ALPK3: variants seen among roughly 807,000 people sequenced by gnomAD.
The protein encoded by ALPK3 is alpha-protein kinase 3.
In ALPK3, 102 loss-of-function variants were observed where a neutral mutation model predicts 140.0. The ratio of observed to expected loss-of-function variants is 0.73; its 90% CI spans 0.62 to 0.86. The LOEUF is 0.86. Ranked by LOEUF, ALPK3 falls within the 40% of genes least tolerant of loss-of-function variation. The pLI is 0.00. For synonymous variants in ALPK3, 938 were observed against 898.5 expected (o/e 1.04, Z -0.79); for missense variants, 2,254 against 2,208.2 (o/e 1.02, Z -0.42).
At chr15:84,855,940 A>T (rs987186684) in intron 5 of ALPK3, among the ~76,000 whole-genome samples, 1 of 152,186 alleles carries the variant, frequency 6.6e-6, no homozygotes, top group South Asian at 2.1e-4. Context: ...TGAGGCCATT[A>T]TTGGGACACC....
intron 5 of ALPK3, among the ~76,000 whole-genome samples, chr15:84,851,382 G>A (rs1396240542): frequency 6.6e-6 from 1 of 152,112 alleles, no homozygotes; most frequent in African/African-American, 2.4e-5. Flanking sequence ...TCTTGCTGAG[G>A]GACGGGCCTC....
intron 1 of ALPK3, among the ~76,000 whole-genome samples, chr15:84,819,473 G>A (rs567132332): frequency 6.6e-6 from 1 of 152,238 alleles, no homozygotes; most frequent in Non-Finnish European, 1.5e-5. Flanking sequence ...TGGCCAAAGT[G>A]GGGAGAATGT....
intron 5 of ALPK3, among the ~76,000 whole-genome samples, chr15:84,855,306 G>C (rs150182176): frequency 2.6e-5 from 4 of 152,284 alleles, no homozygotes; most frequent in Admixed American, 6.5e-5. Context: ...CTCTCCTCCC[G>C]CTGAGCTGTG....
At chr15:84,839,501 C>T (rs1025242506) in intron 4 of ALPK3, among the ~76,000 whole-genome samples, 3 of 152,196 alleles carry the variant, frequency 2.0e-5, no homozygotes, top group Non-Finnish European at 2.9e-5. Flanking sequence ...TGGTCAGCCG[C>T]CACCTTTTTG....
In ALPK3 at chr15:84,863,654, G is replaced by A. The variant is rs762202079; in HGVS notation, c.4499+14G>A. 2.3e-5 allele frequency: 37 copies of A among 1,612,362 alleles called. No individual in the cohort carries two copies. The highest frequency in any genetic ancestry group is 6.7e-5 in the Admixed American group (4 of 59,908). ...GGAGGTGCCTGAGTAAGTACGCAGC[G>A]AGGAGGACGTGCAGTGTGCAGCACT... On this transcript the variant is annotated intron_variant, in intron 11 of 13. Coordinates refer to ENST00000258888, the MANE Select transcript of ALPK3 (RefSeq NM_020778.5).
chr15:84,840,714 A>C lies in ALPK3; in HGVS notation c.1435A>C (p.Asn479His), dbSNP rs1355075265. The C allele has an allele frequency of 6.2e-7, 1 of 1,613,270 alleles. No homozygotes were observed. The highest frequency in any genetic ancestry group is 8.5e-7 in the Non-Finnish European group (1 of 1,179,620). The change falls in exon 5 of 14, where the codon AAC (asparagine) becomes CAC (histidine). Residue 479 changes from asparagine to histidine, a missense_variant. Physicochemically the swap from Asn to His is moderately conservative, Grantham distance 68. Transcript: ENST00000258888. ...SLTPQPTRPFNRKRFAPPKPK... is the reference protein window; with the variant it reads ...SLTPQPTRPFHRKRFAPPKPK... ...GACCCCCCAGCCGACTAGGCCTTTC[A>C]ACAGAAAGAGATTTGCCCCTCCAAA...
At chr15:84,867,465 G>A (rs1964014553) in intron 13 of ALPK3, 100 bp downstream of exon 13, 1 of 1,399,112 alleles carries the variant, frequency 7.1e-7, no homozygotes, top group Admixed American at 1.7e-5. Flanking sequence ...GCTGGGCCTG[G>A]GGCCAAGTGG....
chr15:84,858,148 C>T lies in ALPK3; in HGVS notation c.3410C>T (p.Pro1137Leu), dbSNP rs755094584. The T allele has an allele frequency of 2.5e-6, 4 of 1,605,332 alleles. No homozygotes were observed. In the African/African-American group the frequency reaches 4.0e-5, roughly 16 times the overall value. Reference protein sequence around the residue: ...GPSAESIAQEPSQEEKFPGEA... With the variant: ...GPSAESIAQELSQEEKFPGEA... ...TCAGCAGAGAGCATAGCCCAGGAGC[C>T]CTCCCAAGAGGAGAAGTTCCCAGGG... The change falls in exon 6 of 14, where the codon CCC (proline) becomes CTC (leucine). Residue 1137 changes from proline to leucine, a missense_variant. Physicochemically the swap from Pro to Leu is moderately conservative, Grantham distance 98. Coordinates refer to ENST00000258888, the MANE Select transcript of ALPK3 (RefSeq NM_020778.5).
chr15:84,823,345 G>A lies in ALPK3; in HGVS notation c.159G>A (p.Arg53=), dbSNP rs1448167200. The change falls in exon 2 of 14, where the codon CGG becomes CGA. Residue 53 remains arginine (R), a synonymous_variant. Coordinates refer to ENST00000258888, the MANE Select transcript of ALPK3 (RefSeq NM_020778.5). ...VRPETSLSSN[R]LSHPSSGRST... ...TTTTGCTTAGCTTATCAAGCAACCGGTTGTCTCACCCCAGCTCTGGAAGGT... is the reference window on the plus strand; with the variant it reads ...TTTTGCTTAGCTTATCAAGCAACCGATTGTCTCACCCCAGCTCTGGAAGGT... 6.2e-7 allele frequency: 1 copy of A among 1,614,032 alleles called. No individual in the cohort carries two copies. Among genetic ancestry groups the A allele is most frequent in the South Asian group, 1.1e-5 (1 of 91,064 alleles).
chr15:84,843,045 A>C (rs574037591), intron 5 of ALPK3, among the ~76,000 whole-genome samples: 43 of 152,342 alleles, frequency 2.8e-4, no homozygotes, highest in African/African-American at 9.6e-4. Flanking sequence ...AGATGGTGGC[A>C]TCCTCCTGGT....
chr15:84,868,615 C>A lies in ALPK3; in HGVS notation c.*159C>A. 1.4e-6 allele frequency: 1 copy of A among 724,676 alleles called. No homozygotes were observed. The highest frequency in any genetic ancestry group is 2.2e-6 in the Non-Finnish European group (1 of 451,672). 44.9% of individuals were successfully genotyped at this position (724,676 alleles called of 1,614,324 possible). A position where few individuals can be genotyped will look rare whatever the true frequency, so the allele number is the denominator to read the frequency against. On this transcript the variant is annotated 3_prime_UTR_variant, in exon 14 of 14. Coordinates refer to ENST00000258888, the MANE Select transcript of ALPK3 (RefSeq NM_020778.5). ...AGCAGGCTCTCGTGAATCAGCTCGT[C>A]ATCAGATGGCTTTGGTGCATGGCAC... is the stretch of plus-strand genomic sequence containing the variant.
chr15:84,859,104 G>C (rs552343559), intron 6 of ALPK3, 139 bp from the exon 7 acceptor site: 5 of 1,174,222 alleles, frequency 4.3e-6, no homozygotes, highest in African/African-American at 1.5e-5. Context: ...AGGAGGCACC[G>C]GGGGGCTGTG....
Position 84,858,285 on chromosome 15 carries a change from C to G in ALPK3, c.3547C>G (p.Pro1183Ala). 6.3e-7 allele frequency: 1 copy of G among 1,585,432 alleles called. No individual in the cohort carries two copies. Among genetic ancestry groups the G allele is most frequent in the Non-Finnish European group, 8.6e-7 (1 of 1,165,784 alleles). The change falls in exon 6 of 14, where the codon CCT becomes GCT. Residue 1183 changes from proline to alanine, a missense_variant. Coordinates refer to ENST00000258888, the MANE Select transcript of ALPK3 (RefSeq NM_020778.5). The stretch of plus-strand genomic sequence containing the variant: ...AGCAGGAGACGGGGAGGCAACCACA[C>G]CTGAAGAAAGGGAGAGCCCCACGGT... The part of the protein sequence containing the change: ...RAAGDGEATT[P>A]EERESPTVSP...
chr15:84,840,406 G>T lies in ALPK3; in HGVS notation c.1127G>T (p.Arg376Leu). The T allele has an allele frequency of 6.2e-7, 1 of 1,613,858 alleles. No individual in the cohort carries two copies. The highest frequency in any genetic ancestry group is 1.1e-5 in the South Asian group (1 of 91,068). ...ACCCAGCCCAGAGGCAGGGCTGCACGGGGGCCTGGGTCCTCTGGCACAGAT... is the reference window on the plus strand; with the variant it reads ...ACCCAGCCCAGAGGCAGGGCTGCACTGGGGCCTGGGTCCTCTGGCACAGAT... ...VQTQPRGRAA[R>L]GPGSSGTDST... is the part of the protein sequence containing the mutation. Residue 376 changes from arginine (R) to leucine (L), a missense_variant, in exon 5 of 14, where the codon CGG (arginine) becomes CTG (leucine). This residue lies in a region of ALPK3 where 2,088 missense variants were observed against 2,022.9 expected (regional missense o/e 1.03). Transcript: ENST00000258888.
intron 4 of ALPK3, 124 bp from the exon 5 acceptor site, chr15:84,839,578 C>T (rs1963632149): frequency 9.4e-7 from 1 of 1,067,922 alleles, no homozygotes; most frequent in Non-Finnish European, 1.4e-6. Flanking sequence ...TGGGGCGTAG[C>T]ACACGGCAGG....
chr15:84,829,158 C>T (rs1963519135), intron 3 of ALPK3, among the ~76,000 whole-genome samples: 1 of 152,234 alleles, frequency 6.6e-6, no homozygotes, highest in African/African-American at 2.4e-5. Context: ...GCTGTTTCTT[C>T]TGGCATGTAT....
chr15:84,849,626 A>G (rs1436055358), intron 5 of ALPK3, among the ~76,000 whole-genome samples: 2 of 152,218 alleles, frequency 1.3e-5, no homozygotes, highest in Non-Finnish European at 2.9e-5. Flanking sequence ...AAAAATTTCT[A>G]AACACTTTTA....
intron 5 of ALPK3, among the ~76,000 whole-genome samples, chr15:84,852,781 T>C (rs1041768393): frequency 7.2e-5 from 11 of 152,254 alleles, no homozygotes; most frequent in Admixed American, 2.0e-4. Flanking sequence ...GGCTTTATCC[T>C]GTCAGTGATG....
chr15:84,855,497 T>C (rs755888795), intron 5 of ALPK3, among the ~76,000 whole-genome samples: 1 of 152,222 alleles, frequency 6.6e-6, no homozygotes, highest in Non-Finnish European at 1.5e-5. Flanking sequence ...TTGGTTTTGA[T>C]GATATCTTGG....
Sources: gnomAD v4.1 joint callset for allele counts (sites outside exome capture counted in the v4.1 genomes callset) on GRCh38, gnomAD v4.1.1 for gene constraint, gnomAD v4.1.1 regional missense constraint, MANE v1.5 for transcripts, NCBI Gene and HGNC (gene_info 2026-07-23, HGNC 2026-07-21) for gene names.